SLC24A2: variants seen among roughly 807,000 people sequenced by gnomAD.
SLC24A2 encodes the protein sodium/potassium/calcium exchanger 2.
A neutral mutation model predicts 62.0 loss-of-function variants in SLC24A2; 36 were observed. That is an observed-to-expected ratio of 0.58 (90% CI 0.44 to 0.77). SLC24A2 has a LOEUF of 0.77. SLC24A2 is among the 30% of genes least tolerant of loss of function. The pLI, the probability that SLC24A2 is intolerant of heterozygous loss-of-function variation, is 0.00. For missense variants in SLC24A2, 846 were observed against 817.9 expected (o/e 1.03, Z -0.42); for synonymous variants, 358 against 294.0 (o/e 1.22, Z -2.23).
chr9:20,044,200 C>T, the SLC24A2 span, among the ~76,000 whole-genome samples: 1 of 151,994 alleles, frequency 6.6e-6, no homozygotes, highest in East Asian at 1.9e-4. Context: ...GTATTCCACA[C>T]TTAATAGACT....
chr9:20,229,578 T>G, the SLC24A2 span, among the ~76,000 whole-genome samples: 1 of 152,104 alleles, frequency 6.6e-6, no homozygotes, highest in Non-Finnish European at 1.5e-5. Context: ...AAAGTAACAT[T>G]ACTCAGTCCA....
At chr9:19,887,631 A>G in the SLC24A2 span, among the ~76,000 whole-genome samples, 127 of 152,302 alleles carry the variant, frequency 8.3e-4, no homozygotes, top group African/African-American at 2.8e-3. Context: ...ACCACTATGG[A>G]AAACAGTGTG....
chr9:19,633,456 T>A (rs776440470), intron 2 of SLC24A2, among the ~76,000 whole-genome samples: 2 of 152,266 alleles, frequency 1.3e-5, no homozygotes, highest in Non-Finnish European at 2.9e-5. Context: ...CTAGTAGCAA[T>A]TGATATGATC....
intron 2 of SLC24A2, among the ~76,000 whole-genome samples, chr9:19,706,537 G>A (rs1249357348): frequency 6.6e-6 from 1 of 151,982 alleles, no homozygotes; most frequent in Admixed American, 6.6e-5. Flanking sequence ...GCGCCACCAT[G>A]CCCGGCTAAT....
intron 4 of SLC24A2, among the ~76,000 whole-genome samples, chr9:19,606,720 T>C (rs1836994469): frequency 2.0e-5 from 3 of 152,230 alleles, no homozygotes; most frequent in Admixed American, 1.3e-4. Flanking sequence ...ACAATGCTGA[T>C]TGACTCTTTA....
At chr9:19,649,750 T>C (rs899396211) in intron 2 of SLC24A2, among the ~76,000 whole-genome samples, 1 of 152,208 alleles carries the variant, frequency 6.6e-6, no homozygotes, top group South Asian at 2.1e-4. Context: ...CGGAAAGAAA[T>C]AAGATTTAAC....
At chr9:19,615,441 A>G (rs10123977) in intron 4 of SLC24A2, among the ~76,000 whole-genome samples, 38 of 152,356 alleles carry the variant, frequency 2.5e-4, no homozygotes, top group African/African-American at 8.9e-4. Flanking sequence ...TCAAGTGATT[A>G]GATGCAAACT....
chr9:20,275,414 G>A, the SLC24A2 span, among the ~76,000 whole-genome samples: 1 of 152,168 alleles, frequency 6.6e-6, no homozygotes, highest in Non-Finnish European at 1.5e-5. Flanking sequence ...AATGTGTATA[G>A]ATACAGTGGC....
At chr9:20,196,652 A>G in the SLC24A2 span, among the ~76,000 whole-genome samples, 4 of 152,224 alleles carry the variant, frequency 2.6e-5, no homozygotes, top group African/African-American at 7.2e-5. Flanking sequence ...ACACCACTTT[A>G]GTTTATAGTG....
intron 8 of SLC24A2, among the ~76,000 whole-genome samples, chr9:19,547,133 C>A (rs1054710919): frequency 5.3e-5 from 8 of 152,140 alleles, no homozygotes; most frequent in Admixed American, 1.3e-4. Flanking sequence ...CAGTGTTTGG[C>A]ACATAATAGG....
intron 2 of SLC24A2, among the ~76,000 whole-genome samples, chr9:19,745,453 T>C (rs75480926): frequency 0.016 from 2,426 of 152,290 alleles, 32 homozygotes; most frequent in East Asian, 0.056. Flanking sequence ...ATATCAGCAT[T>C]GTCTGGGGGA....
At chr9:19,874,075 C>CTTTTTTTTTTTTT in the SLC24A2 span, among the ~76,000 whole-genome samples, 6 of 107,278 alleles carry the variant, frequency 5.6e-5, no homozygotes, top group South Asian at 3.0e-4. Context: ...CTTTTCTTTT[C>CTTTTTTTTTTTTT]TTTTTTTTTT....
At chr9:20,239,422 T>G in the SLC24A2 span, among the ~76,000 whole-genome samples, 26 of 152,272 alleles carry the variant, frequency 1.7e-4, 1 homozygote, top group African/African-American at 6.3e-4. Context: ...GTCAGGGAGC[T>G]CCAGGGACCT....
intron 2 of SLC24A2, among the ~76,000 whole-genome samples, chr9:19,750,911 C>A (rs1349275627): frequency 6.6e-6 from 1 of 152,144 alleles, no homozygotes; most frequent in African/African-American, 2.4e-5. Context: ...TTTTGTCTGG[C>A]AAACTCACTG....
At chr9:19,611,744 C>T (rs1837179535) in intron 4 of SLC24A2, among the ~76,000 whole-genome samples, 1 of 152,110 alleles carries the variant, frequency 6.6e-6, no homozygotes, top group Admixed American at 6.5e-5. Context: ...ACTTCCATCT[C>T]TTCCCTATAA....
chr9:20,128,179 T>G, the SLC24A2 span, among the ~76,000 whole-genome samples: 1 of 152,140 alleles, frequency 6.6e-6, no homozygotes, highest in Non-Finnish European at 1.5e-5. Flanking sequence ...GGCAGATGGT[T>G]TGTGTGTTTT....
At chr9:20,087,708 T>C in the SLC24A2 span, among the ~76,000 whole-genome samples, 1 of 152,236 alleles carries the variant, frequency 6.6e-6, no homozygotes, top group African/African-American at 2.4e-5. Flanking sequence ...GATGGCTGAC[T>C]AGAAGCAGCT....
chr9:19,704,120 C>G (rs1009004622), intron 2 of SLC24A2, among the ~76,000 whole-genome samples: 3 of 149,602 alleles, frequency 2.0e-5, no homozygotes, highest in African/African-American at 7.3e-5. Flanking sequence ...ATCTGTGGAC[C>G]AATATTTTCA....
chr9:20,254,721 A>G, the SLC24A2 span, among the ~76,000 whole-genome samples: 2 of 152,196 alleles, frequency 1.3e-5, no homozygotes, highest in African/African-American at 2.4e-5. Context: ...GATTCCAAGC[A>G]GGTTCCTGGA....
Sources: allele counts gnomAD v4.1 joint callset (sites outside exome capture counted in the v4.1 genomes callset), GRCh38; gene constraint gnomAD v4.1.1; transcripts MANE v1.5; gene names NCBI Gene and HGNC (gene_info 2026-07-23, HGNC 2026-07-21).